PLAC9: variants seen among roughly 807,000 people sequenced by gnomAD.
PLAC9 encodes the protein placenta associated 9.
A neutral mutation model predicts 11.5 loss-of-function variants in PLAC9; 12 were observed. The ratio of observed to expected loss-of-function variants is 1.05; its 90% CI spans 0.67 to 1.69. PLAC9 has a LOEUF of 1.69. Among genes scored for constraint, PLAC9 ranks in the 40% most tolerant of loss-of-function variants. The probability of loss-of-function intolerance (pLI) is 0.00; values close to 1 mark genes in which losing one functional copy is unlikely to be tolerated. For synonymous variants in PLAC9, 62 were observed against 58.1 expected, an observed-to-expected ratio of 1.07 and a Z score of -0.31; for missense variants, 132 against 130.5, an observed-to-expected ratio of 1.01 and a Z score of -0.06.
At chr10:80,136,467 T>A (rs1402417020) in intron 1 of PLAC9, among the ~76,000 whole-genome samples, 3 of 152,068 alleles carry the variant, frequency 2.0e-5, no homozygotes. Context: ...TACTATTTTT[T>A]ATTCATTTAT....
chr10:80,136,278 G>A (rs779107029), intron 1 of PLAC9, among the ~76,000 whole-genome samples: 16 of 152,104 alleles, frequency 1.1e-4, no homozygotes, highest in Admixed American at 2.6e-4. Context: ...AGAAAACAAC[G>A]CAGCATCCAA....
intron 1 of PLAC9, among the ~76,000 whole-genome samples, chr10:80,135,810 AT>A (rs1844969109): frequency 6.6e-6 from 1 of 152,170 alleles, no homozygotes; most frequent in Non-Finnish European, 1.5e-5. Flanking sequence ...TTTTGAGTGA[AT>A]CATACATTTT....
chr10:80,143,688 C>T (rs1479525446), intron 2 of PLAC9, among the ~76,000 whole-genome samples: 3 of 152,020 alleles, frequency 2.0e-5, no homozygotes, highest in Non-Finnish European at 4.4e-5. Context: ...TGAGCCACCA[C>T]GCCCGGCCTA....
At chr10:80,141,998 C>T (rs572602217) in intron 1 of PLAC9, 84 bp from the exon 2 acceptor site, 11 of 1,153,884 alleles carry the variant, frequency 9.5e-6, no homozygotes, top group Non-Finnish European at 1.3e-5. Flanking sequence ...GAGGACTGAC[C>T]TCATTTGAGC....
chr10:80,142,061 A>G, intron 1 of PLAC9, 21 bp from the exon 2 acceptor site: 1 of 1,595,990 alleles, frequency 6.3e-7, no homozygotes, highest in Non-Finnish European at 8.6e-7. Flanking sequence ...TCCCACAGTG[A>G]CAAGACTTGT....
At chr10:80,136,472 A>C (rs1165892182) in intron 1 of PLAC9, among the ~76,000 whole-genome samples, 1 of 151,714 alleles carries the variant, frequency 6.6e-6, no homozygotes, top group Non-Finnish European at 1.5e-5. Context: ...TTTTTTATTC[A>C]TTTATTTATT....
intron 3 of PLAC9, 142 bp downstream of exon 3, chr10:80,144,485 G>A (rs1845078063): frequency 8.0e-7 from 1 of 1,244,524 alleles, no homozygotes; most frequent in East Asian, 2.6e-5. Context: ...GACGGAAGCG[G>A]GACGGCATCA....
chr10:80,142,049 G>T (rs753882869), intron 1 of PLAC9, 33 bp from the exon 2 acceptor site: 2 of 1,567,510 alleles, frequency 1.3e-6, no homozygotes, highest in East Asian at 2.3e-5. Context: ...GAAAACTAAG[G>T]GTCCCACAGT....
intron 1 of PLAC9, among the ~76,000 whole-genome samples, chr10:80,141,460 G>A (rs1462768975): frequency 2.6e-5 from 4 of 152,082 alleles, no homozygotes; most frequent in East Asian, 1.9e-4. Context: ...TTAGCAGGGC[G>A]TGGTGGCAGG....
chr10:80,133,714 G>C (rs1380599731), intron 1 of PLAC9, among the ~76,000 whole-genome samples: 4 of 152,138 alleles, frequency 2.6e-5, no homozygotes, highest in African/African-American at 9.7e-5. Flanking sequence ...TACCCCTCAG[G>C]CGGGCGGATC....
intron 1 of PLAC9, among the ~76,000 whole-genome samples, chr10:80,135,885 A>C (rs1488902309): frequency 2.0e-5 from 3 of 152,214 alleles, no homozygotes; most frequent in Non-Finnish European, 4.4e-5. Context: ...AAATATAATT[A>C]ACCCCCAAGT....
chr10:80,144,105 C>A (rs1845071832), intron 2 of PLAC9, 118 bp from the exon 3 acceptor site: 1 of 1,424,916 alleles, frequency 7.0e-7, no homozygotes, highest in Non-Finnish European at 9.8e-7. Context: ...GGTCACTTAG[C>A]GCCCAGTCCT....
At chr10:80,142,266 A>T in intron 2 of PLAC9, 87 bp downstream of exon 2, 1 of 1,131,668 alleles carries the variant, frequency 8.8e-7, no homozygotes, top group Non-Finnish European at 1.3e-6. Context: ...TTGCTTTGGA[A>T]TGTGAGGACA....
intron 2 of PLAC9, chr10:80,143,992 T>C: frequency 1.8e-6 from 1 of 558,254 alleles, no homozygotes; most frequent in Non-Finnish European, 3.2e-6. Context: ...AATCTGTGAC[T>C]AAGTGCCAAA....
At chr10:80,143,154 T>A (rs1845060103) in intron 2 of PLAC9, among the ~76,000 whole-genome samples, 1 of 152,000 alleles carries the variant, frequency 6.6e-6, no homozygotes, top group African/African-American at 2.4e-5. Flanking sequence ...TTCTCATGCC[T>A]CAACCTCCCG....
intron 2 of PLAC9, among the ~76,000 whole-genome samples, chr10:80,143,736 G>A (rs779138634): frequency 6.6e-6 from 1 of 152,148 alleles, no homozygotes; most frequent in Non-Finnish European, 1.5e-5. Flanking sequence ...GGTGCCCTTA[G>A]TAATTCTATA....
intron 1 of PLAC9, among the ~76,000 whole-genome samples, chr10:80,139,841 G>A (rs112613299): frequency 0.061 from 9,336 of 151,924 alleles, 381 homozygotes; most frequent in Middle Eastern, 0.13. Context: ...CCTCCCACTC[G>A]GCCTCCCAAA....
In PLAC9 at chr10:80,134,437, T is replaced by C. The variant is rs563654437; in HGVS notation, c.64+1611T>C. ...CACCACCACACCTGACTAATTTTGG[T>C]ATTTTTAGTAGAGATAGGGTTTCAC... On this transcript the variant is annotated intron_variant, in intron 1 of 3. Coordinates refer to ENST00000372263, the MANE Select transcript of PLAC9 (RefSeq NM_001012973.3). Among the ~76,000 whole-genome samples the C allele has an allele frequency of 1.2e-4, 19 of 152,194 alleles. No homozygotes were observed. The East Asian group carries it at 3.1e-3, about 25-fold the overall frequency.
At chr10:80,140,583 C>T (rs1431922204) in intron 1 of PLAC9, among the ~76,000 whole-genome samples, 1 of 152,190 alleles carries the variant, frequency 6.6e-6, no homozygotes, top group Admixed American at 6.5e-5. Flanking sequence ...TCCAGCCAAC[C>T]CTGATGCCCC....
Sources: gnomAD v4.1 joint callset for allele counts (sites outside exome capture counted in the v4.1 genomes callset) on GRCh38, gnomAD v4.1.1 for gene constraint, MANE v1.5 for transcripts, NCBI Gene and HGNC (gene_info 2026-07-23, HGNC 2026-07-21) for gene names.